The following DRICH1 variants were observed in gnomAD, a reference collection of about 807,000 sequenced individuals.
The protein encoded by DRICH1 is aspartate rich 1, also known as aspartate-rich protein 1.
DRICH1 carries 38 observed loss-of-function variants against 39.5 expected under a neutral mutation model. The ratio of observed to expected loss-of-function variants is 0.96; its 90% confidence interval spans 0.74 to 1.26. The LOEUF is 1.26. DRICH1 is among the 50% of genes most tolerant of loss of function. The pLI is 0.00. For synonymous variants in DRICH1, 84 were observed against 99.5 expected (o/e 0.84, Z 0.93); for missense variants, 279 against 270.4 (o/e 1.03, Z -0.22).
intron 3 of DRICH1, among the ~76,000 whole-genome samples, chr22:23,624,526 ATTAGACCCCAT>A (rs1375187727): frequency 6.6e-6 from 1 of 152,166 alleles, no homozygotes; most frequent in Non-Finnish European, 1.5e-5. Flanking sequence ...ATGCTGTTTT[ATTAGACCCCAT>A]CTGAAGTATT....
intron 3 of DRICH1, among the ~76,000 whole-genome samples, chr22:23,622,467 C>A (rs1344343171): frequency 2.6e-5 from 4 of 152,142 alleles, no homozygotes; most frequent in Non-Finnish European, 4.4e-5. Context: ...GCCTTCCTAC[C>A]TCTCAAATGT....
chr22:23,583,259 T>C, the DRICH1 span: 3 of 152,200 alleles, frequency 2.0e-5, no homozygotes, highest in Admixed American at 6.6e-5. Flanking sequence ...CCTCTGGTAT[T>C]TCCCCAGCGG....
At position 23,614,146 on chromosome 22, in the gene DRICH1, C is replaced by A; in HGVS notation, c.610G>T (p.Asp204Tyr). ...RHKDEEEEDD[D>Y]DIHITARIES... ...AAGGGAGGTCTTACGTGGATGTCATCATCATCTTCTTCTTCTTCATCTTTG... is the reference window on the plus strand; with the variant it reads ...AAGGGAGGTCTTACGTGGATGTCATAATCATCTTCTTCTTCTTCATCTTTG... The change falls in exon 9 of 12, where the codon GAT becomes TAT. Residue 204 changes from aspartate (D) to tyrosine (Y), a missense_variant. Physicochemically the swap from Asp to Tyr is radical, Grantham distance 160. Coordinates refer to ENST00000317749, the MANE Select transcript of DRICH1 (RefSeq NM_016449.4). 1 of 1,612,200 alleles carries A rather than the reference C, an allele frequency of 6.2e-7. No individual in the cohort carries two copies. The highest frequency in any genetic ancestry group is 8.5e-7 in the Non-Finnish European group (1 of 1,178,262).
chr22:23,608,649 A>G lies in DRICH1; in HGVS notation c.*115T>C. Reference sequence around the variant, plus strand: ...ACTTTTTCTCTCTGCTGGGACCAAGAGTTTTCCTCAGAATGTAGAGAGGAT... The same window carrying G: ...ACTTTTTCTCTCTGCTGGGACCAAGGGTTTTCCTCAGAATGTAGAGAGGAT... On this transcript the variant is annotated 3_prime_UTR_variant, in exon 12 of 12. Coordinates refer to ENST00000317749, the MANE Select transcript of DRICH1 (RefSeq NM_016449.4). 1.9e-6 allele frequency: 2 copies of G among 1,064,470 alleles called. No homozygotes were observed. Among genetic ancestry groups the G allele is most frequent in the Non-Finnish European group, 2.8e-6 (2 of 708,714 alleles). The allele number at this position is 1,064,470 out of a possible 1,614,324, so 65.9% of individuals were successfully genotyped here.
At chr22:23,608,882 G>C (rs1022041399) in intron 11 of DRICH1, 114 bp from the exon 12 acceptor site, 2 of 1,151,340 alleles carry the variant, frequency 1.7e-6, no homozygotes, top group African/African-American at 3.1e-5. Flanking sequence ...CGCCTCTGCA[G>C]TCCAGGCTGA....
intron 2 of DRICH1, among the ~76,000 whole-genome samples, chr22:23,625,731 G>T (rs543019093): frequency 8.6e-5 from 13 of 152,026 alleles, no homozygotes; most frequent in Non-Finnish European, 1.8e-4. Flanking sequence ...TGTGACACCC[G>T]GGAAGATTGT....
At chr22:23,591,949 G>A in the DRICH1 span, among the ~76,000 whole-genome samples, 1 of 152,188 alleles carries the variant, frequency 6.6e-6, no homozygotes, top group Non-Finnish European at 1.5e-5. Flanking sequence ...TGGAGGGGGA[G>A]CAGGCCCTCT....
chr22:23,594,940 G>C, the DRICH1 span, among the ~76,000 whole-genome samples: 1 of 149,164 alleles, frequency 6.7e-6, no homozygotes, highest in South Asian at 2.1e-4. Flanking sequence ...TTGTGCAAAT[G>C]TTGATGAAGT....
chr22:23,600,676 C>CT, the DRICH1 span, among the ~76,000 whole-genome samples: 2,795 of 109,502 alleles, frequency 0.026, 85 homozygotes, highest in African/African-American at 0.078. Flanking sequence ...AATTTTTTTT[C>CT]TTTTTTTTTT....
At chr22:23,623,592 C>T (rs1927895751) in intron 3 of DRICH1, among the ~76,000 whole-genome samples, 1 of 151,622 alleles carries the variant, frequency 6.6e-6, no homozygotes, top group South Asian at 2.1e-4. Context: ...AAATAATCTA[C>T]AGATTAACAA....
chr22:23,621,742 C>T (rs920954376), intron 4 of DRICH1, among the ~76,000 whole-genome samples: 3 of 152,012 alleles, frequency 2.0e-5, no homozygotes, highest in East Asian at 3.9e-4. Context: ...GGTAAAACAC[C>T]GTCTCTACTA....
At chr22:23,595,722 A>C in the DRICH1 span, among the ~76,000 whole-genome samples, 7,948 of 142,360 alleles carry the variant, frequency 0.056, 71 homozygotes, top group African/African-American at 0.14. Flanking sequence ...TCCCCTGTCC[A>C]TTAATGAGTG....
At chr22:23,620,194 C>T (rs990598266) in intron 5 of DRICH1, among the ~76,000 whole-genome samples, 1 of 152,050 alleles carries the variant, frequency 6.6e-6, no homozygotes, top group Non-Finnish European at 1.5e-5. Flanking sequence ...TTACACCCTC[C>T]CTCACCTCCC....
chr22:23,597,337 A>C, the DRICH1 span, among the ~76,000 whole-genome samples: 1 of 148,596 alleles, frequency 6.7e-6, no homozygotes, highest in African/African-American at 2.5e-5. Flanking sequence ...ACAACACAAC[A>C]CAACAAAACA....
chr22:23,625,227 A>C (rs1312646873), intron 2 of DRICH1, among the ~76,000 whole-genome samples: 5 of 152,240 alleles, frequency 3.3e-5, no homozygotes, highest in Non-Finnish European at 5.9e-5. Context: ...GTCATGTATT[A>C]GATGAAAAGA....
At chr22:23,601,202 A>C in the DRICH1 span, among the ~76,000 whole-genome samples, 1 of 151,952 alleles carries the variant, frequency 6.6e-6, no homozygotes, top group South Asian at 2.1e-4. Context: ...ATTGTCATTC[A>C]ACTGGTGAAT....
intron 8 of DRICH1, among the ~76,000 whole-genome samples, chr22:23,614,552 G>A (rs746238021): frequency 6.6e-6 from 1 of 152,100 alleles, no homozygotes. Flanking sequence ...TTTTCTTAAC[G>A]TATTCAAGAC....
chr22:23,610,892 ATTT>A (rs36010947), intron 11 of DRICH1, among the ~76,000 whole-genome samples: 3 of 139,428 alleles, frequency 2.2e-5, no homozygotes, highest in African/African-American at 2.6e-5. Context: ...GATGGGCAAA[ATTT>A]TTTTTTTTTT....
chr22:23,609,230 C>T (rs1421362565), intron 11 of DRICH1, among the ~76,000 whole-genome samples: 1 of 152,180 alleles, frequency 6.6e-6, no homozygotes, highest in Non-Finnish European at 1.5e-5. Context: ...GTTGAGACCC[C>T]CAGCTCTACA....
Sources: allele counts gnomAD v4.1 joint callset (sites outside exome capture counted in the v4.1 genomes callset), GRCh38; gene constraint gnomAD v4.1.1; transcripts MANE v1.5; gene names NCBI Gene and HGNC (gene_info 2026-07-23, HGNC 2026-07-21).